Variants in UQCC5 observed in about 807,000 individuals in gnomAD.
The protein encoded by UQCC5 is ubiquinol-cytochrome c reductase complex assembly factor 5, also known as UPF0640 protein C3orf78.
chr3:52,541,577 C>T, the UQCC5 span: 1 of 152,228 alleles, frequency 6.6e-6, no homozygotes. Context: ...GCAGCAAGCC[C>T]AGAGTCACAG....
At chr3:52,538,400 T>C in the UQCC5 span, among the ~76,000 whole-genome samples, 1 of 152,220 alleles carries the variant, frequency 6.6e-6, no homozygotes, top group African/African-American at 2.4e-5. Flanking sequence ...GGGCCAGAAA[T>C]TGGGATTTGT....
chr3:52,540,329 T>C, the UQCC5 span: 3 of 861,202 alleles, frequency 3.5e-6, no homozygotes, highest in Non-Finnish European at 5.3e-6. Context: ...GATTCAGAAG[T>C]AGGTGACAGA....
chr3:52,539,915 G>A, the UQCC5 span, among the ~76,000 whole-genome samples: 2 of 152,212 alleles, frequency 1.3e-5, no homozygotes, highest in African/African-American at 4.8e-5. Context: ...GGGATTACAG[G>A]CGTGAGCCAC....
chr3:52,540,907 G>A, the UQCC5 span: 1 of 154,182 alleles, frequency 6.5e-6, no homozygotes, highest in Admixed American at 6.5e-5. Context: ...ATTTAAACCA[G>A]GATAATTATG....
the UQCC5 span, chr3:52,541,433 C>T: frequency 2.0e-5 from 3 of 151,924 alleles, no homozygotes; most frequent in Non-Finnish European, 4.4e-5. Context: ...AGTTAATGAT[C>T]TCTGCCACAA....
chr3:52,540,058 A>C, the UQCC5 span, among the ~76,000 whole-genome samples: 1 of 152,272 alleles, frequency 6.6e-6, no homozygotes, highest in Admixed American at 6.5e-5. Flanking sequence ...AGGGAGCATC[A>C]GAGAGCCAAG....
chr3:52,538,730 G>T, the UQCC5 span, among the ~76,000 whole-genome samples: 1 of 152,152 alleles, frequency 6.6e-6, no homozygotes, highest in Non-Finnish European at 1.5e-5. Flanking sequence ...CAAAGTGCTG[G>T]GATTACAGGC....
chr3:52,536,924 A>G, the UQCC5 span: 1 of 1,551,266 alleles, frequency 6.4e-7, no homozygotes, highest in South Asian at 1.2e-5. Context: ...AGGGGGTAGC[A>G]GTCTCTGTTT....
chr3:52,537,980 G>A, the UQCC5 span, among the ~76,000 whole-genome samples: 2 of 152,386 alleles, frequency 1.3e-5, no homozygotes, highest in Admixed American at 1.3e-4. Context: ...GGCTAGAAGG[G>A]TGCCTGGGCA....
At chr3:52,539,586 G>T in the UQCC5 span, among the ~76,000 whole-genome samples, 51 of 152,256 alleles carry the variant, frequency 3.3e-4, no homozygotes, top group Admixed American at 3.3e-3. Context: ...TGGAGAGCAG[G>T]TGCCAAAGAA....
At chr3:52,538,947 A>T in the UQCC5 span, among the ~76,000 whole-genome samples, 2 of 152,030 alleles carry the variant, frequency 1.3e-5, no homozygotes, top group Non-Finnish European at 2.9e-5. Context: ...GGGTGGAGAG[A>T]GGCTGGAGAT....
the UQCC5 span, chr3:52,540,580 CA>C: frequency 1.1e-6 from 1 of 894,010 alleles, no homozygotes; most frequent in Non-Finnish European, 1.7e-6. Flanking sequence ...TGTTCTGACA[CA>C]GCTTGTCCTT....
the UQCC5 span, among the ~76,000 whole-genome samples, chr3:52,537,483 T>A: frequency 6.6e-6 from 1 of 152,168 alleles, no homozygotes; most frequent in East Asian, 1.9e-4. Context: ...CCCCAACCCC[T>A]CGGCCCTTTC....
the UQCC5 span, chr3:52,536,661 C>T: frequency 6.6e-7 from 1 of 1,507,922 alleles, no homozygotes; most frequent in Non-Finnish European, 8.9e-7. Context: ...TCCCAGGTCG[C>T]GGTACACGGC....
the UQCC5 span, among the ~76,000 whole-genome samples, chr3:52,537,496 C>T: frequency 3.5e-4 from 54 of 152,178 alleles, no homozygotes; most frequent in Non-Finnish European, 7.2e-4. Context: ...GCCCTTTCTG[C>T]TTTGCCCCTC....
chr3:52,537,907 G>A, the UQCC5 span, among the ~76,000 whole-genome samples: 1 of 152,236 alleles, frequency 6.6e-6, no homozygotes, highest in Non-Finnish European at 1.5e-5. Context: ...GCAGTGGTAG[G>A]AGCACTTGTG....
At chr3:52,539,149 A>G in the UQCC5 span, among the ~76,000 whole-genome samples, 1 of 152,186 alleles carries the variant, frequency 6.6e-6, no homozygotes, top group Admixed American at 6.5e-5. Context: ...GGACCCAGTT[A>G]GAGGCATCAG....
At chr3:52,537,914 T>G in the UQCC5 span, among the ~76,000 whole-genome samples, 1 of 152,150 alleles carries the variant, frequency 6.6e-6, no homozygotes, top group Non-Finnish European at 1.5e-5. Context: ...TAGGAGCACT[T>G]GTGTGAGAGT....
At chr3:52,537,892 C>T in the UQCC5 span, among the ~76,000 whole-genome samples, 2 of 152,188 alleles carry the variant, frequency 1.3e-5, no homozygotes, top group Middle Eastern at 3.4e-3. Flanking sequence ...GAAAGCATCT[C>T]CATGGCAGTG....
Sources: allele counts gnomAD v4.1 joint callset (sites outside exome capture counted in the v4.1 genomes callset), GRCh38; gene constraint gnomAD v4.1.1; transcripts MANE v1.5; gene names NCBI Gene and HGNC (gene_info 2026-07-23, HGNC 2026-07-21).